Variants in TMEM260 observed in about 807,000 individuals in gnomAD.
TMEM260 encodes transmembrane protein 260.
In TMEM260, 82 loss-of-function variants were observed where a neutral mutation model predicts 88.9. The observed-to-expected ratio is 0.92, with a 90% CI of 0.77 to 1.11. The LOEUF is 1.11. Ranked by LOEUF, TMEM260 falls within the 50% of genes least tolerant of loss-of-function variation. The pLI, the probability that TMEM260 is intolerant of heterozygous loss-of-function variation, is 0.00. For synonymous variants in TMEM260, 314 were observed against 309.3 expected, an observed-to-expected ratio of 1.02 and a Z score of -0.16; for missense variants, 902 against 853.4, an observed-to-expected ratio of 1.06 and a Z score of -0.71.
intron 7 of TMEM260, among the ~76,000 whole-genome samples, chr14:56,615,187 T>C (rs1324563991): frequency 6.6e-6 from 1 of 152,228 alleles, no homozygotes; most frequent in Non-Finnish European, 1.5e-5. Context: ...GTATGGTTTC[T>C]ATAATTATGG....
downstream of TMEM260, among the ~76,000 whole-genome samples, chr14:56,653,742 A>AAAC: frequency 3.0e-5 from 2 of 65,822 alleles, no homozygotes; most frequent in African/African-American, 6.7e-5. Context: ...TCTCCAAAAC[A>AAAC]AAAAAAAAAA....
At chr14:56,658,332 C>T in the TMEM260 span, among the ~76,000 whole-genome samples, 1 of 152,168 alleles carries the variant, frequency 6.6e-6, no homozygotes, top group East Asian at 1.9e-4. Context: ...ACTGCATACT[C>T]CACCTCCCAG....
intron 7 of TMEM260, 126 bp downstream of exon 7, chr14:56,612,411 C>A: frequency 1.3e-6 from 1 of 777,884 alleles, no homozygotes; most frequent in Non-Finnish European, 2.2e-6. Context: ...GTTACCTCTA[C>A]AGTTAACAGT....
chr14:56,597,237 C>T (rs558867080), intron 3 of TMEM260, among the ~76,000 whole-genome samples: 1 of 152,292 alleles, frequency 6.6e-6, no homozygotes, highest in South Asian at 2.1e-4. Context: ...TTTTTGAATA[C>T]TGACATGATG....
chr14:56,653,743 A>AAAAAAAAAAAAAAAC (rs1555343581), downstream of TMEM260, among the ~76,000 whole-genome samples: 3 of 134,170 alleles, frequency 2.2e-5, no homozygotes, highest in African/African-American at 1.0e-4. Flanking sequence ...CTCCAAAACA[A>AAAAAAAAAAAAAAAC]AAAAAAAAAA....
At chr14:56,630,405 T>G (rs553231793) in intron 12 of TMEM260, among the ~76,000 whole-genome samples, 3 of 152,298 alleles carry the variant, frequency 2.0e-5, no homozygotes, top group African/African-American at 7.2e-5. Context: ...CCTTTTGGTA[T>G]TGTCCCACAG....
chr14:56,608,985 A>G, intron 5 of TMEM260, 121 bp from the exon 6 acceptor site: 1 of 1,026,028 alleles, frequency 9.7e-7, no homozygotes, highest in Non-Finnish European at 1.5e-6. Flanking sequence ...GTGACTTAAT[A>G]TAAATTGGGA....
At chr14:56,590,508 G>A (rs1885785205) in intron 3 of TMEM260, among the ~76,000 whole-genome samples, 1 of 152,198 alleles carries the variant, frequency 6.6e-6, no homozygotes, top group African/African-American at 2.4e-5. Flanking sequence ...GTAAGATGAG[G>A]AAGAGCTCAA....
In TMEM260 at chr14:56,603,844, TTG is replaced by T; in HGVS notation, c.375_376del (p.Ala126CysfsTer21). 6.2e-7 allele frequency: 1 copy of T among 1,613,886 alleles called. No individual in the cohort carries two copies. ...TCTGGCTCATCTGCTGGAGGAATCCTTGCTGCGGGGGTGTTTTCATTTTCTCG... is the reference window on the plus strand; with the variant it reads ...TCTGGCTCATCTGCTGGAGGAATCCTCTGCGGGGGTGTTTTCATTTTCTCG... On this transcript the variant is annotated frameshift_variant, in exon 4 of 16. Transcript: ENST00000261556. LOFTEE classifies it high-confidence loss of function.
intron 12 of TMEM260, 100 bp from the exon 13 acceptor site, chr14:56,632,895 G>A: frequency 8.6e-7 from 1 of 1,166,364 alleles, no homozygotes; most frequent in Non-Finnish European, 1.2e-6. Flanking sequence ...GGTAATAACT[G>A]TTGGGAAAAA....
downstream of TMEM260, among the ~76,000 whole-genome samples, chr14:56,654,014 G>A (rs1275843096): frequency 1.3e-5 from 2 of 152,122 alleles, no homozygotes; most frequent in African/African-American, 2.4e-5. Context: ...AAATAATGCA[G>A]CCATTTTAAA....
intron 3 of TMEM260, among the ~76,000 whole-genome samples, chr14:56,592,459 T>C (rs181603367): frequency 6.6e-5 from 10 of 152,264 alleles, no homozygotes; most frequent in Admixed American, 6.5e-4. Flanking sequence ...GAAAGAATGT[T>C]GAGTGAGCTG....
intron 15 of TMEM260, among the ~76,000 whole-genome samples, chr14:56,641,246 T>C (rs1305878548): frequency 1.3e-5 from 2 of 151,504 alleles, no homozygotes; most frequent in Admixed American, 1.3e-4. Context: ...AAGGAAAAAA[T>C]GTTAAGGGCA....
chr14:56,607,228 T>C (rs1886968519), intron 5 of TMEM260, among the ~76,000 whole-genome samples: 1 of 152,170 alleles, frequency 6.6e-6, no homozygotes, highest in South Asian at 2.1e-4. Context: ...CTCGTATTGG[T>C]CATCTTAGCC....
intron 13 of TMEM260, among the ~76,000 whole-genome samples, chr14:56,634,272 C>T (rs959061609): frequency 2.4e-4 from 37 of 152,186 alleles, no homozygotes; most frequent in Non-Finnish European, 4.4e-4. Context: ...GAGTGACCTA[C>T]ACCTCACCTC....
In TMEM260 at chr14:56,614,648, C is replaced by T. The variant is rs141621192; in HGVS notation, c.858-1296C>T. Among the ~76,000 whole-genome samples, 113 of 152,270 alleles carry T rather than the reference C, an allele frequency of 7.4e-4. No homozygotes were observed. The East Asian group carries it at 0.01, about 14-fold the overall frequency. On this transcript the variant is annotated intron_variant, in intron 7 of 15. Coordinates refer to ENST00000261556, the MANE Select transcript of TMEM260 (RefSeq NM_017799.4). Reference sequence around the variant, plus strand: ...CATCTATTGGGACCCTTAAAGGCCTCCTTTACATTAAAATAATAGCAGGCT... The same window carrying T: ...CATCTATTGGGACCCTTAAAGGCCTTCTTTACATTAAAATAATAGCAGGCT...
In TMEM260 at chr14:56,647,674, A is replaced by G. The variant is rs1594907981; in HGVS notation, c.*177A>G. 3 of 632,112 alleles carry G rather than the reference A, an allele frequency of 4.7e-6. No individual in the cohort carries two copies. The highest frequency in any genetic ancestry group is 7.4e-5 in the Admixed American group (2 of 27,030). The allele number at this position is 632,112 out of a possible 1,614,324, so 39.2% of individuals were successfully genotyped here. A position where few individuals can be genotyped will look rare whatever the true frequency, so the allele number is the denominator to read the frequency against. On this transcript the variant is annotated 3_prime_UTR_variant, in exon 16 of 16. Coordinates refer to ENST00000261556, the MANE Select transcript of TMEM260 (RefSeq NM_017799.4). ...GGGTATTCAGTGACTAAGGTCTGCT[A>G]TTTATGCAAAATTCTGTTTATCCCG...
At chr14:56,635,067 A>G in intron 14 of TMEM260, 115 bp downstream of exon 14, 1 of 865,418 alleles carries the variant, frequency 1.2e-6, no homozygotes, top group Admixed American at 2.1e-5. Context: ...AATAGCATTT[A>G]TGAGCAATTA....
intron 15 of TMEM260, among the ~76,000 whole-genome samples, chr14:56,636,880 G>C (rs1183819776): frequency 6.6e-6 from 1 of 152,186 alleles, no homozygotes; most frequent in Non-Finnish European, 1.5e-5. Context: ...GCAGGGGGTG[G>C]TGGGGATTAA....
Sources: gnomAD v4.1 joint callset for allele counts (sites outside exome capture counted in the v4.1 genomes callset) on GRCh38, gnomAD v4.1.1 for gene constraint, MANE v1.5 for transcripts, NCBI Gene and HGNC (gene_info 2026-07-23, HGNC 2026-07-21) for gene names.